Variants in NAALADL2 observed in about 807,000 individuals in gnomAD.
NAALADL2 encodes inactive N-acetylated-alpha-linked acidic dipeptidase-like protein 2.
A neutral mutation model predicts 87.2 loss-of-function variants in NAALADL2; 76 were observed. The observed-to-expected ratio is 0.87, with a 90% CI of 0.72 to 1.05. The LOEUF (loss-of-function observed/expected upper bound fraction) is 1.05. Ranked by LOEUF, NAALADL2 falls within the 50% of genes least tolerant of loss-of-function variation. NAALADL2 has a pLI of 0.00. For synonymous variants in NAALADL2, 354 were observed against 331.0 expected (o/e 1.07, Z -0.75); for missense variants, 1,089 against 945.8 (o/e 1.15, Z -1.99).
At chr3:175,288,235 G>A (rs1051549415) in intron 4 of NAALADL2, among the ~76,000 whole-genome samples, 6 of 152,090 alleles carry the variant, frequency 3.9e-5, no homozygotes, top group Admixed American at 3.3e-4. Flanking sequence ...AAGTAGTCAA[G>A]CAGGAAGAAT....
At chr3:175,243,994 C>G (rs78793365) in intron 3 of NAALADL2, among the ~76,000 whole-genome samples, 2 of 152,240 alleles carry the variant, frequency 1.3e-5, no homozygotes, top group East Asian at 3.9e-4. Flanking sequence ...CCTCAAGCAA[C>G]TGGGACTGAC....
chr3:175,746,198 G>A (rs1052408120), intron 12 of NAALADL2, among the ~76,000 whole-genome samples: 10 of 151,162 alleles, frequency 6.6e-5, no homozygotes, highest in African/African-American at 9.7e-5. Context: ...TAATTCATTA[G>A]CGTCAATCAC....
At chr3:174,698,085 G>A (rs75162969) in intron 2 of NAALADL2, among the ~76,000 whole-genome samples, 9 of 151,848 alleles carry the variant, frequency 5.9e-5, no homozygotes, top group East Asian at 1.9e-4. Context: ...GCAAGACTCC[G>A]TCTCAAAAAA....
intron 1 of NAALADL2, among the ~76,000 whole-genome samples, chr3:175,043,408 T>A (rs940606789): frequency 6.6e-6 from 1 of 151,908 alleles, no homozygotes; most frequent in African/African-American, 2.4e-5. Flanking sequence ...CTGGCTAAAT[T>A]TCGTATTTTT....
chr3:175,221,433 G>A (rs1379837998), intron 2 of NAALADL2, among the ~76,000 whole-genome samples: 1 of 152,094 alleles, frequency 6.6e-6, no homozygotes, highest in East Asian at 1.9e-4. Context: ...AACATTTCAT[G>A]TGCACTTATA....
chr3:175,762,287 G>A (rs1040085220), intron 13 of NAALADL2, among the ~76,000 whole-genome samples: 2 of 139,698 alleles, frequency 1.4e-5, no homozygotes, highest in African/African-American at 5.3e-5. Flanking sequence ...TTTGTCATAC[G>A]ATATAGTTTT....
chr3:174,837,469 A>G (rs1300014708), intron 3 of NAALADL2, among the ~76,000 whole-genome samples: 1 of 152,204 alleles, frequency 6.6e-6, no homozygotes, highest in Non-Finnish European at 1.5e-5. Context: ...TGAATAGACC[A>G]GTAACAAGCA....
intron 2 of NAALADL2, among the ~76,000 whole-genome samples, chr3:174,600,669 G>A (rs928931758): frequency 2.6e-5 from 4 of 152,120 alleles, no homozygotes; most frequent in African/African-American, 9.7e-5. Flanking sequence ...TCCACAGGCT[G>A]TACAGGAACT....
intron 1 of NAALADL2, among the ~76,000 whole-genome samples, chr3:174,515,725 G>A (rs908882718): frequency 2.7e-5 from 4 of 150,870 alleles, no homozygotes; most frequent in African/African-American, 7.3e-5. Flanking sequence ...GAGTAAAGTT[G>A]AGATAATATA....
intron 3 of NAALADL2, among the ~76,000 whole-genome samples, chr3:174,798,781 C>T (rs1170288201): frequency 6.6e-6 from 1 of 151,772 alleles, no homozygotes; most frequent in Non-Finnish European, 1.5e-5. Flanking sequence ...ATTCTGCTAC[C>T]TTGCTGAATT....
intron 3 of NAALADL2, among the ~76,000 whole-genome samples, chr3:174,778,335 G>A (rs189208142): frequency 6.6e-6 from 1 of 152,106 alleles, no homozygotes; most frequent in East Asian, 1.9e-4. Context: ...GAACCTTAGG[G>A]TAATTATGAA....
chr3:175,693,801 C>A (rs1434815071), intron 11 of NAALADL2, among the ~76,000 whole-genome samples: 1 of 152,070 alleles, frequency 6.6e-6, no homozygotes, highest in Non-Finnish European at 1.5e-5. Flanking sequence ...CGGGTTCAAG[C>A]GATTCTCCTG....
intron 4 of NAALADL2, among the ~76,000 whole-genome samples, chr3:175,294,784 C>A (rs1756108796): frequency 6.6e-6 from 1 of 152,188 alleles, no homozygotes; most frequent in Non-Finnish European, 1.5e-5. Flanking sequence ...TCAAGAGTAT[C>A]AAAAACGTTC....
intron 3 of NAALADL2, among the ~76,000 whole-genome samples, chr3:175,242,741 A>G (rs1747159796): frequency 6.6e-6 from 1 of 152,222 alleles, no homozygotes; most frequent in Non-Finnish European, 1.5e-5. Flanking sequence ...AGTACCTTTT[A>G]TACATTAATC....
Position 175,282,911 on chromosome 3 carries a change from C to CT in NAALADL2, c.939+26396dup, listed in dbSNP as rs77457477. ...GGTTTGGTAACTACCTTTCTGTCTTCTTTTTTTTTTTTTTTAAATCCTCAA... is the reference window on the plus strand; with the variant it reads ...GGTTTGGTAACTACCTTTCTGTCTTCTTTTTTTTTTTTTTTTAAATCCTCAA... On this transcript the variant is annotated intron_variant, in intron 4 of 13. Coordinates refer to ENST00000454872, the MANE Select transcript of NAALADL2 (RefSeq NM_207015.3). Among the ~76,000 whole-genome samples, 300 of 137,172 alleles carry CT rather than the reference C, an allele frequency of 2.2e-3. 1 individual carries two copies. The South Asian group carries it at 0.025, about 11-fold the overall frequency. 90.0% of individuals were successfully genotyped at this position (137,172 alleles called of 152,430 possible). A position where few individuals can be genotyped will look rare whatever the true frequency, so the allele number is the denominator to read the frequency against.
At chr3:174,801,144 G>A (rs752245169) in intron 3 of NAALADL2, among the ~76,000 whole-genome samples, 6 of 152,184 alleles carry the variant, frequency 3.9e-5, no homozygotes, top group African/African-American at 9.7e-5. Flanking sequence ...TTTTGAATGC[G>A]AGGACATGAG....
intron 2 of NAALADL2, among the ~76,000 whole-genome samples, chr3:175,177,847 A>ATG (rs3066287): frequency 6.7e-4 from 101 of 151,214 alleles, no homozygotes; most frequent in African/African-American, 2.3e-3. Context: ...GTGTGTGTGT[A>ATG]TGTGTGTGTG....
chr3:175,587,090 C>G (rs1396594304), intron 10 of NAALADL2, among the ~76,000 whole-genome samples: 1 of 152,290 alleles, frequency 6.6e-6, no homozygotes, highest in Non-Finnish European at 1.5e-5. Context: ...CCCTGACTCC[C>G]TCTGATGGAC....
chr3:175,360,955 G>T (rs1471014226), intron 5 of NAALADL2, among the ~76,000 whole-genome samples: 3 of 151,578 alleles, frequency 2.0e-5, no homozygotes, highest in Non-Finnish European at 4.4e-5. Flanking sequence ...TGCCATGTTG[G>T]TGTGCTGCAC....
Sources: gnomAD v4.1 joint callset for allele counts (sites outside exome capture counted in the v4.1 genomes callset) on GRCh38, gnomAD v4.1.1 for gene constraint, MANE v1.5 for transcripts, NCBI Gene and HGNC (gene_info 2026-07-23, HGNC 2026-07-21) for gene names.